The following COL3A1 variants were observed in gnomAD, a reference collection of about 807,000 sequenced individuals.
COL3A1 encodes the protein collagen alpha-1(III) chain.
Under a neutral mutation model 200.9 loss-of-function variants are expected in COL3A1, and 46 were observed. That is an observed-to-expected ratio of 0.23 (90% CI 0.18 to 0.29). The LOEUF (loss-of-function observed/expected upper bound fraction) is 0.29. COL3A1 is among the 10% of genes least tolerant of loss of function. The pLI is 1.00. For missense variants in COL3A1, 1,367 were observed against 1,917.6 expected (o/e 0.71, Z 5.36); for synonymous variants, 650 against 628.0 (o/e 1.03, Z -0.52).
chr2:188,986,498 T>G (rs546769916), intron 4 of COL3A1, among the ~76,000 whole-genome samples: 8 of 152,100 alleles, frequency 5.3e-5, no homozygotes, highest in Non-Finnish European at 1.2e-4. Flanking sequence ...ACTTAGAATT[T>G]AAAAAAAGCT....
intron 1 of COL3A1, among the ~76,000 whole-genome samples, chr2:188,981,958 C>T (rs1170803817): frequency 1.3e-5 from 2 of 151,588 alleles, no homozygotes; most frequent in Non-Finnish European, 3.0e-5. Context: ...GAACTGACTT[C>T]TCAGGAGAGC....
At chr2:189,009,928 C>A (rs1010138345) in intron 48 of COL3A1, among the ~76,000 whole-genome samples, 2 of 152,092 alleles carry the variant, frequency 1.3e-5, no homozygotes, top group African/African-American at 4.8e-5. Flanking sequence ...ATACAGCAAT[C>A]AAAAGGTCTT....
At chr2:189,003,316 C>A in intron 36 of COL3A1, 95 bp from the exon 37 acceptor site, 1 of 1,067,218 alleles carries the variant, frequency 9.4e-7, no homozygotes, top group Non-Finnish European at 1.4e-6. Flanking sequence ...TTATTTTAAC[C>A]TCTTCATAGA....
At chr2:189,003,708 T>A (rs775385307) in intron 37 of COL3A1, 26 bp from the exon 38 acceptor site, 1 of 1,613,558 alleles carries the variant, frequency 6.2e-7, no homozygotes, top group South Asian at 1.1e-5. Context: ...ACTTTTGAAA[T>A]TCAAAAATAT....
chr2:188,978,838 T>C (rs938474514), intron 1 of COL3A1, among the ~76,000 whole-genome samples: 7 of 151,452 alleles, frequency 4.6e-5, no homozygotes, highest in African/African-American at 1.7e-4. Flanking sequence ...GCCTGTTTCA[T>C]GTCAAGATGA....
chr2:189,001,424 G>A lies in COL3A1; in HGVS notation c.2311G>A (p.Gly771Ser). 6.2e-7 allele frequency: 1 copy of A among 1,613,812 alleles called. No individual in the cohort carries two copies. The highest frequency in any genetic ancestry group is 1.3e-5 in the African/African-American group (1 of 74,962). Residue 771 changes from glycine to serine, a missense_variant, in exon 33 of 51, where the codon GGC becomes AGC. Physicochemically the swap from Gly to Ser is moderately conservative, Grantham distance 56. Coordinates refer to ENST00000304636, the MANE Select transcript of COL3A1 (RefSeq NM_000090.4). ...RGPTGPIGPP[G>S]PAGQPGDKGE... The stretch of plus-strand genomic sequence containing the variant: ...TCCTACTGGTCCTATTGGTCCTCCT[G>A]GCCCAGCTGGCCAGCCTGGAGATAA...
chr2:188,997,938 T>C (rs984153124), intron 27 of COL3A1, among the ~76,000 whole-genome samples, 185 bp downstream of exon 27: 2 of 152,236 alleles, frequency 1.3e-5, no homozygotes, highest in African/African-American at 2.4e-5. Context: ...TAATAAGTTA[T>C]TTAAAAGAAT....
chr2:189,008,342 A>G, intron 47 of COL3A1, 200 bp downstream of exon 47: 1 of 599,400 alleles, frequency 1.7e-6, no homozygotes, highest in Non-Finnish European at 3.0e-6. Context: ...ATACCTTTTT[A>G]AAAATTTGAT....
Position 188,984,801 on chromosome 2 carries a change from G to T in COL3A1, c.121G>T (p.Asp41Tyr), listed in dbSNP as rs794728035. Residue 41 changes from aspartate to tyrosine, a missense_variant, in exon 2 of 51, where the codon GAT (aspartate) becomes TAT (tyrosine). Asp to Tyr is a radical substitution (Grantham distance 160). Transcript: ENST00000304636. The stretch of plus-strand genomic sequence containing the variant: ...TTCCCATCTTGGTCAGTCCTATGCG[G>T]ATAGAGATGTCTGGAAGCCAGAACC... ...GCSHLGQSYA[D>Y]RDVWKPEPCQ... The T allele has an allele frequency of 5.6e-6, 9 of 1,613,042 alleles. No individual in the cohort carries two copies. Among genetic ancestry groups the T allele is most frequent in the Admixed American group, 3.3e-5 (2 of 59,912 alleles).
intron 50 of COL3A1, 125 bp from the exon 51 acceptor site, chr2:189,011,503 C>A: frequency 1.9e-6 from 2 of 1,060,042 alleles, no homozygotes; most frequent in South Asian, 2.7e-5. Flanking sequence ...GTCTCATATA[C>A]ATGAATAATA....
chr2:188,988,243 G>C (rs1472892312), intron 6 of COL3A1, 109 bp downstream of exon 6: 3 of 976,590 alleles, frequency 3.1e-6, no homozygotes, highest in South Asian at 1.3e-5. Context: ...CAGTTAACTA[G>C]AGAAATCATA....
In COL3A1 at chr2:188,988,470, TA is replaced by T; in HGVS notation, c.583-119del. 7 of 740,230 alleles carry T rather than the reference TA, an allele frequency of 9.5e-6. No individual in the cohort carries two copies. The South Asian group carries it at 1.2e-4, about 12-fold the overall frequency. The allele number at this position is 740,230 out of a possible 1,614,324, so 45.9% of individuals were successfully genotyped here. A position where few individuals can be genotyped will look rare whatever the true frequency, so the allele number is the denominator to read the frequency against. ...CTAAAAATAATTTGGTCTCAATATT[TA>T]TAAACTGGAGTAAAATTTGCTGATT... On this transcript the variant is annotated intron_variant, in intron 6 of 50. Transcript: ENST00000304636.
chr2:189,003,065 A>G lies in COL3A1; in HGVS notation c.2553+3A>G, dbSNP rs587779713. 3.9e-6 allele frequency: 6 copies of G among 1,544,886 alleles called. No individual in the cohort carries two copies. Among genetic ancestry groups the G allele is most frequent in the Non-Finnish European group, 5.3e-6 (6 of 1,141,066 alleles). On this transcript the variant is annotated splice_donor_region_variant and intron_variant, in intron 36 of 50. Transcript: ENST00000304636. ...CCCCTGGAGGTTCTGGACCTGCTGT[A>G]AGTTCCTTCCTCTTTCTCTGTCTAT... is the stretch of plus-strand genomic sequence containing the variant.
At chr2:188,984,352 C>T (rs1423725445) in intron 1 of COL3A1, among the ~76,000 whole-genome samples, 3 of 152,008 alleles carry the variant, frequency 2.0e-5, no homozygotes, top group African/African-American at 7.2e-5. Flanking sequence ...GAGTTAGTGA[C>T]AAAATCATCT....
intron 14 of COL3A1, 81 bp from the exon 15 acceptor site, chr2:188,992,806 A>C (rs1307005140): frequency 9.5e-7 from 1 of 1,057,822 alleles, no homozygotes; most frequent in African/African-American, 1.6e-5. Context: ...TCTTTACTTT[A>C]TATGTGCTCA....
chr2:188,998,409 CATG>C, intron 28 of COL3A1, 90 bp downstream of exon 28: 2 of 1,162,758 alleles, frequency 1.7e-6, no homozygotes, highest in Non-Finnish European at 2.5e-6. Context: ...TTTCTTATGC[CATG>C]ATATTTGAGA....
chr2:189,004,246 A>G lies in COL3A1; in HGVS notation c.2824-11A>G. 1 of 1,600,860 alleles carries G rather than the reference A, an allele frequency of 6.2e-7. No homozygotes were observed. Among genetic ancestry groups the G allele is most frequent in the Non-Finnish European group, 8.5e-7 (1 of 1,173,500 alleles). ...CATAAAGATGAGCTAAGTCTTCATT[A>G]TCTGTATTAGGGAGCTCCAGGCCCA... On this transcript the variant is annotated splice_polypyrimidine_tract_variant and intron_variant, in intron 39 of 50. Coordinates refer to ENST00000304636, the MANE Select transcript of COL3A1 (RefSeq NM_000090.4).
In COL3A1 at chr2:189,009,197, T is replaced by C. The variant is rs766008984; in HGVS notation, c.3799T>C (p.Phe1267Leu). The stretch of plus-strand genomic sequence containing the variant: ...CGCTAGAAACTGCAGAGACCTGAAA[T>C]TCTGCCATCCTGAACTCAAGAGTGG... ...NPARNCRDLKFCHPELKSGEY... is the reference protein window; with the variant it reads ...NPARNCRDLKLCHPELKSGEY... The change falls in exon 48 of 51, where the codon TTC (phenylalanine) becomes CTC (leucine). Residue 1267 changes from phenylalanine (F) to leucine (L), a missense_variant. By Grantham distance (22) the Phe-to-Leu change is conservative. This residue lies in a region of COL3A1 where 846 missense variants were observed against 1,147.9 expected (regional missense o/e 0.74). Coordinates refer to ENST00000304636, the MANE Select transcript of COL3A1 (RefSeq NM_000090.4). The C allele has an allele frequency of 1.9e-6, 3 of 1,614,198 alleles. No individual in the cohort carries two copies. Among genetic ancestry groups the C allele is most frequent in the Non-Finnish European group, 2.5e-6 (3 of 1,180,026 alleles).
chr2:188,993,591 G>T (rs148021534), intron 16 of COL3A1, 132 bp downstream of exon 16: 39 of 792,194 alleles, frequency 4.9e-5, no homozygotes, highest in African/African-American at 4.3e-4. Flanking sequence ...AAAAATTGTT[G>T]CTTAGTGCTC....
Sources: allele counts gnomAD v4.1 joint callset (sites outside exome capture counted in the v4.1 genomes callset), GRCh38; gene constraint gnomAD v4.1.1; regional missense constraint gnomAD v4.1.1; transcripts MANE v1.5; gene names NCBI Gene and HGNC (gene_info 2026-07-23, HGNC 2026-07-21).